The following EDA2R variants were observed in gnomAD, a reference collection of about 807,000 sequenced individuals.
EDA2R encodes tumor necrosis factor receptor superfamily member 27.
In EDA2R, 26 loss-of-function variants were observed where a neutral mutation model predicts 20.1. That is an observed-to-expected ratio of 1.30 (90% CI 0.95 to 1.80). EDA2R has a LOEUF of 1.80. Among genes scored for constraint, EDA2R ranks in the 40% most tolerant of loss-of-function variants. The probability of loss-of-function intolerance (pLI) is 0.00; values close to 1 mark genes in which losing one functional copy is unlikely to be tolerated. For missense variants in EDA2R, 277 were observed against 228.7 expected, an observed-to-expected ratio of 1.21 and a Z score of -1.36; for synonymous variants, 114 against 88.7, an observed-to-expected ratio of 1.29 and a Z score of -1.60.
intron 1 of EDA2R, among the ~76,000 whole-genome samples, chrX:66,625,059 C>T (rs1348870372): frequency 1.8e-5 from 2 of 111,787 alleles, no homozygotes; most frequent in Non-Finnish European, 3.8e-5. Context: ...CCTGGAACCA[C>T]AGGGAACCTT....
chrX:66,608,598 T>C (rs1190385580), intron 2 of EDA2R, among the ~76,000 whole-genome samples: 2 of 111,819 alleles, frequency 1.8e-5, no homozygotes, highest in Non-Finnish European at 3.8e-5. Flanking sequence ...AGAAAAAAGT[T>C]CTTCAAAAAT....
At chrX:66,624,124 G>A (rs1932853745) in intron 1 of EDA2R, among the ~76,000 whole-genome samples, 1 of 112,279 alleles carries the variant, frequency 8.9e-6, no homozygotes, top group Non-Finnish European at 1.9e-5. Flanking sequence ...ATACTCTCCT[G>A]TCTGAGTAAA....
rs188995193 is a variant in EDA2R at position 66,638,747 on chromosome X, G to A, written c.-11+248C>T. Among the ~76,000 whole-genome samples, 546 of 111,171 alleles carry A rather than the reference G, an allele frequency of 4.9e-3. 5 individuals carry two copies. Among genetic ancestry groups the A allele is most frequent in the African/African-American group, 0.017 (517 of 30,565 alleles). On this transcript the variant is annotated intron_variant, in intron 1 of 6. Coordinates refer to ENST00000374719, the MANE Select transcript of EDA2R (RefSeq NM_021783.5). ...CAGGCATGTTCTCAGAGGCAATGCA[G>A]GTCCAGTAAGAGCCTACAGGAAATG...
chrX:66,632,836 G>A (rs1286741476), intron 1 of EDA2R, among the ~76,000 whole-genome samples: 1 of 111,768 alleles, frequency 8.9e-6, no homozygotes, highest in Admixed American at 9.5e-5. Context: ...CCACAGGTGG[G>A]TACTACAGTT....
chrX:66,602,814 TG>T lies in EDA2R; in HGVS notation c.353-18del, dbSNP rs759765858. On this transcript the variant is annotated intron_variant, in intron 4 of 6. Coordinates refer to ENST00000374719, the MANE Select transcript of EDA2R (RefSeq NM_021783.5). ...GGAAGGCACCTGTGAGACAAAAAAA[TG>T]GGGGAGGTCAGTTAGCATGGGCAGT... 15 of 1,166,788 alleles carry T rather than the reference TG, an allele frequency of 1.3e-5. No individual in the cohort carries two copies. The highest frequency in any genetic ancestry group is 3.1e-5 in the East Asian group (1 of 32,018).
intron 2 of EDA2R, among the ~76,000 whole-genome samples, chrX:66,613,758 G>A (rs1245624545): frequency 9.0e-6 from 1 of 111,475 alleles, no homozygotes. Context: ...TATTTAGCTT[G>A]GCAATTATAC....
chrX:66,633,161 A>C (rs189021879), intron 1 of EDA2R, among the ~76,000 whole-genome samples: 1 of 112,531 alleles, frequency 8.9e-6, no homozygotes, highest in South Asian at 3.6e-4. Flanking sequence ...CATATGAGTC[A>C]ATTGTTTTGC....
intron 1 of EDA2R, among the ~76,000 whole-genome samples, chrX:66,621,166 A>C (rs1602279205): frequency 9.0e-6 from 1 of 110,557 alleles, no homozygotes; most frequent in African/African-American, 3.3e-5. Context: ...AATCCCAGCT[A>C]CTTGGGAGGC....
At chrX:66,617,817 C>T (rs758278918) in intron 1 of EDA2R, among the ~76,000 whole-genome samples, 1 of 109,465 alleles carries the variant, frequency 9.1e-6, no homozygotes, top group Non-Finnish European at 1.9e-5. Flanking sequence ...GACTTTCTCT[C>T]CCCTCTTTTT....
intron 3 of EDA2R, 89 bp from the exon 4 acceptor site, chrX:66,604,595 C>T: frequency 1.1e-6 from 1 of 871,665 alleles, no homozygotes; most frequent in Non-Finnish European, 1.6e-6. Flanking sequence ...TCCTAAGAAT[C>T]TTGCCAACCT....
At chrX:66,613,394 A>G (rs950773848) in intron 2 of EDA2R, among the ~76,000 whole-genome samples, 22 of 111,794 alleles carry the variant, frequency 2.0e-4, no homozygotes, top group African/African-American at 7.1e-4. Context: ...TCAGAAATAG[A>G]TCACAAAATT....
At chrX:66,602,518 G>A in intron 5 of EDA2R, 115 bp downstream of exon 5, 1 of 837,206 alleles carries the variant, frequency 1.2e-6, no homozygotes, top group Non-Finnish European at 1.6e-6. Flanking sequence ...CTATTCATGG[G>A]GTTTTCAAGC....
intron 1 of EDA2R, among the ~76,000 whole-genome samples, chrX:66,623,891 G>A (rs1298304015): frequency 1.8e-5 from 2 of 112,096 alleles, no homozygotes; most frequent in African/African-American, 6.5e-5. Flanking sequence ...CCCGTTTCCA[G>A]TTTTATTCTT....
Position 66,605,203 on chromosome X carries a change from T to G in EDA2R, c.111A>C (p.Gly37=), listed in dbSNP as rs1929445584. Reference sequence around the variant, plus strand: ...GAGGGCAGGCTGTGCAGTAGGCATCTCCACCCTCTCCATAACCACAATCCT... The same window carrying G: ...GAGGGCAGGCTGTGCAGTAGGCATCGCCACCCTCTCCATAACCACAATCCT... ...LSKDCGYGEG[G]DAYCTACPPR... is the part of the protein sequence containing the mutation. The change falls in exon 3 of 7, where the codon GGA becomes GGC. Residue 37 remains glycine, a synonymous_variant. Coordinates refer to ENST00000374719, the MANE Select transcript of EDA2R (RefSeq NM_021783.5). 8.3e-7 allele frequency: 1 copy of G among 1,205,682 alleles called. No homozygotes were observed. The highest frequency in any genetic ancestry group is 1.8e-5 in the African/African-American group (1 of 57,083).
chrX:66,623,275 T>C (rs1932811041), intron 1 of EDA2R, among the ~76,000 whole-genome samples: 1 of 112,195 alleles, frequency 8.9e-6, no homozygotes, highest in Non-Finnish European at 1.9e-5. Flanking sequence ...TTTTTCTGTA[T>C]CTCTCCCCCA....
intron 1 of EDA2R, among the ~76,000 whole-genome samples, chrX:66,620,876 C>T (rs999158981): frequency 1.0e-5 from 1 of 99,653 alleles, no homozygotes; most frequent in Non-Finnish European, 2.0e-5. Flanking sequence ...ACAAATGGCC[C>T]ATAAACACAT....
rs777625658 is a variant in EDA2R at position 66,599,773 on chromosome X, G to A, written c.605C>T (p.Ser202Phe). 3.1e-5 allele frequency: 38 copies of A among 1,210,009 alleles called. No individual in the cohort carries two copies. The highest frequency in any genetic ancestry group is 4.4e-5 in the Admixed American group (2 of 45,871). Residue 202 changes from serine (S) to phenylalanine (F), a missense_variant, in exon 6 of 7, where the codon TCC (serine) becomes TTC (phenylalanine). Ser to Phe is a radical substitution (Grantham distance 155). Coordinates refer to ENST00000374719, the MANE Select transcript of EDA2R (RefSeq NM_021783.5). ...CTGAAAGATGTTCTCACTCACTTGG[G>A]ACTCAGCACTGGTCTCCTTGCTGGG... ...VPPSKETSAE[S>F]QVSENIFQTQ...
chrX:66,598,999 C>T (rs1927986118), intron 6 of EDA2R, among the ~76,000 whole-genome samples: 2 of 111,991 alleles, frequency 1.8e-5, no homozygotes, highest in Admixed American at 1.9e-4. Flanking sequence ...AACTAACTTT[C>T]CCTCTCTGTG....
chrX:66,631,759 T>G (rs1248491222), intron 1 of EDA2R, among the ~76,000 whole-genome samples: 1 of 111,264 alleles, frequency 9.0e-6, no homozygotes, highest in Admixed American at 9.5e-5. Context: ...AGTTAGAGAT[T>G]CTGGGAGTTT....
Sources: allele counts gnomAD v4.1 joint callset (sites outside exome capture counted in the v4.1 genomes callset), GRCh38; gene constraint gnomAD v4.1.1; transcripts MANE v1.5; gene names NCBI Gene and HGNC (gene_info 2026-07-23, HGNC 2026-07-21).